Variants in DYNC2H1 observed in about 807,000 individuals in gnomAD.
DYNC2H1 encodes the protein cytoplasmic dynein 2 heavy chain 1.
DYNC2H1 carries 410 observed loss-of-function variants against 570.0 expected under a neutral mutation model. The observed-to-expected ratio is 0.72, with a 90% CI of 0.66 to 0.78. The LOEUF (loss-of-function observed/expected upper bound fraction) is 0.78. DYNC2H1 is among the 30% of genes least tolerant of loss of function. The pLI is 0.00. For missense variants in DYNC2H1, 4,865 were observed against 5,046.4 expected (o/e 0.96, Z 1.09); for synonymous variants, 1,688 against 1,677.6 (o/e 1.01, Z -0.15).
intron 79 of DYNC2H1, 42 bp from the exon 80 acceptor site, chr11:103,316,503 C>T (rs1158305756): frequency 1.5e-6 from 2 of 1,356,202 alleles, no homozygotes. Context: ...ATATCTTTGA[C>T]TACTGCTTAG....
chr11:103,273,529 GA>G (rs144504520), intron 70 of DYNC2H1, among the ~76,000 whole-genome samples: 1,577 of 152,224 alleles, frequency 0.01, 17 homozygotes, highest in African/African-American at 0.035. Context: ...AGTTTAACTG[GA>G]AATAATGCAG....
At chr11:103,180,243 GTACTTGT>G (rs987085695) in intron 39 of DYNC2H1, among the ~76,000 whole-genome samples, 1 of 151,556 alleles carries the variant, frequency 6.6e-6, no homozygotes, top group Non-Finnish European at 1.5e-5. Context: ...AAATTTTAAA[GTACTTGT>G]TAAATATTAT....
intron 52 of DYNC2H1, among the ~76,000 whole-genome samples, chr11:103,207,344 A>G (rs1862980393): frequency 6.6e-6 from 1 of 151,968 alleles, no homozygotes; most frequent in Non-Finnish European, 1.5e-5. Flanking sequence ...AATTGCTAGA[A>G]TAATATCATT....
rs367607111 is a variant in DYNC2H1, at chr11:103,281,041, T to C, written c.10761+628T>C. 3.3e-5 allele frequency among the ~76,000 whole-genome samples: 5 copies of C among 152,220 alleles called. No homozygotes were observed. In the East Asian group the frequency reaches 9.7e-4, roughly 29 times the overall value. ...GTAATTTTTCTCATTATGATGCTGT[T>C]ATCATAAAGTGAGATTCCAGTAGCC... On this transcript the variant is annotated intron_variant, in intron 71 of 88. Coordinates refer to ENST00000375735, the MANE Select transcript of DYNC2H1 (RefSeq NM_001377.3).
At chr11:103,192,505 G>A (rs143872631) in intron 47 of DYNC2H1, among the ~76,000 whole-genome samples, 2 of 152,038 alleles carry the variant, frequency 1.3e-5, no homozygotes, top group African/African-American at 4.8e-5. Flanking sequence ...TTTTACATTG[G>A]CAATGCAAGA....
At chr11:103,428,762 C>T (rs1461489795) in intron 84 of DYNC2H1, among the ~76,000 whole-genome samples, 1 of 152,156 alleles carries the variant, frequency 6.6e-6, no homozygotes, top group African/African-American at 2.4e-5. Context: ...TGGCTTATCT[C>T]ACTGTGTATA....
chr11:103,348,372 A>G (rs1939862875), intron 82 of DYNC2H1, among the ~76,000 whole-genome samples: 1 of 152,200 alleles, frequency 6.6e-6, no homozygotes, highest in Non-Finnish European at 1.5e-5. Context: ...AAATATGCAT[A>G]TACTTTTGAG....
chr11:103,168,678 C>G (rs566556072), intron 31 of DYNC2H1, 77 bp from the exon 32 acceptor site: 1 of 1,397,774 alleles, frequency 7.2e-7, no homozygotes, highest in Non-Finnish European at 9.9e-7. Context: ...GAGAAATCAC[C>G]TGTACACGTA....
chr11:103,173,096 T>G lies in DYNC2H1; in HGVS notation c.5349T>G (p.Ser1783=). The change falls in exon 35 of 89, where the codon TCT becomes TCG. Residue 1783 remains serine (S), a synonymous_variant. Transcript: ENST00000375735. The stretch of plus-strand genomic sequence containing the variant: ...TAATATTTCAGGTAGAAGTAAATTC[T>G]AATTCTGGAATTTTTATCACTATGA... ...ELLGKEVEVN[S]NSGIFITMNP... The G allele has an allele frequency of 7.4e-7, 1 of 1,359,134 alleles. No individual in the cohort carries two copies. Among genetic ancestry groups the G allele is most frequent in the Non-Finnish European group, 9.5e-7 (1 of 1,050,182 alleles). The allele number at this position is 1,359,134 out of a possible 1,614,324, so 84.2% of individuals were successfully genotyped here.
At chr11:103,154,855 C>A in intron 24 of DYNC2H1, 46 bp downstream of exon 24, 2 of 1,402,264 alleles carry the variant, frequency 1.4e-6, no homozygotes, top group South Asian at 1.4e-5. Context: ...ATGTTTGGAG[C>A]TTTCATCTTA....
In DYNC2H1 at chr11:103,181,236, T is replaced by G. The variant is rs1355976505; in HGVS notation, c.6348-521T>G. On this transcript the variant is annotated intron_variant, in intron 39 of 88. Coordinates refer to ENST00000375735, the MANE Select transcript of DYNC2H1 (RefSeq NM_001377.3). The surrounding 1 kb of genome is among the most constrained non-coding windows in gnomAD (Gnocchi z 5.0). ...GGATTTTTATAGGATAGAGAAAAAG[T>G]GTTTCTAAAGATCTGTATTACAGTT... is the stretch of plus-strand genomic sequence containing the variant. 2.0e-5 allele frequency among the ~76,000 whole-genome samples: 3 copies of G among 151,626 alleles called. No individual in the cohort carries two copies. The East Asian group carries it at 5.8e-4, about 29-fold the overall frequency.
In DYNC2H1 at chr11:103,264,257, G is replaced by A. The variant is rs529628197; in HGVS notation, c.10695+4280G>A. Among the ~76,000 whole-genome samples the A allele has an allele frequency of 6.6e-6, 1 of 152,292 alleles. No homozygotes were observed. Among genetic ancestry groups the A allele is most frequent in the South Asian group, 2.1e-4 (1 of 4,822 alleles). ...AAGCCCAGGGTCAGATGGATTCACA[G>A]CCAAATTCTACCAGAGGTACAAAGA... On this transcript the variant is annotated intron_variant, in intron 70 of 88. Transcript: ENST00000375735. This position sits in a 1 kb window ranked among gnomAD's most constrained non-coding sequence, Gnocchi z 4.8.
rs566718504 is a variant in DYNC2H1 at position 103,170,459 on chromosome 11, C to T, written c.5151+169C>T. Among the ~76,000 whole-genome samples, 1 of 152,056 alleles carries T rather than the reference C, an allele frequency of 6.6e-6. No homozygotes were observed. The highest frequency in any genetic ancestry group is 1.9e-4 in the East Asian group (1 of 5,180). Reference sequence around the variant, plus strand: ...GGACAGAGGTTGTACGTAGTATAGTCCAAAACTTTTCTAAGAATTATGGCA... The same window carrying T: ...GGACAGAGGTTGTACGTAGTATAGTTCAAAACTTTTCTAAGAATTATGGCA... On this transcript the variant is annotated intron_variant, in intron 33 of 88. Transcript: ENST00000375735. The surrounding 1 kb of genome is among the most constrained non-coding windows in gnomAD (Gnocchi z 4.8).
intron 85 of DYNC2H1, among the ~76,000 whole-genome samples, chr11:103,454,643 A>T (rs1565613272): frequency 6.6e-6 from 1 of 152,162 alleles, no homozygotes; most frequent in African/African-American, 2.4e-5. Flanking sequence ...CCAAATGGCA[A>T]TTTTTAAAAA....
At position 103,219,957 on chromosome 11, in the gene DYNC2H1, A is replaced by G; in HGVS notation, c.8875A>G (p.Arg2959Gly). ...AACAGAACTTGAAAGACTGAAGCAC[A>G]GAATAGCAGAAGAAGTTGTTAAAAT... ...QKTELERLKH[R>G]IAEEVVKIEE... is the part of the protein sequence containing the mutation. The change falls in exon 56 of 89, where the codon AGA (arginine) becomes GGA (glycine). Residue 2959 changes from arginine (R) to glycine (G), a missense_variant. This residue lies in a region of DYNC2H1 where 2,401 missense variants were observed against 2,454.6 expected (regional missense o/e 0.98). Transcript: ENST00000375735. 1 of 1,515,264 alleles carries G rather than the reference A, an allele frequency of 6.6e-7. No individual in the cohort carries two copies. Among genetic ancestry groups the G allele is most frequent in the Admixed American group, 2.6e-5 (1 of 38,624 alleles). The allele number at this position is 1,515,264 out of a possible 1,614,324, so 93.9% of individuals were successfully genotyped here. A position where few individuals can be genotyped will look rare whatever the true frequency, so the allele number is the denominator to read the frequency against.
chr11:103,398,885 G>C (rs570947443), intron 83 of DYNC2H1, among the ~76,000 whole-genome samples: 72 of 152,102 alleles, frequency 4.7e-4, no homozygotes, highest in African/African-American at 1.7e-3. Flanking sequence ...CACTGATCTT[G>C]AGCACAAGAT....
At chr11:103,435,860 T>G (rs1346523065) in intron 84 of DYNC2H1, 83 bp from the exon 85 acceptor site, 1 of 1,388,236 alleles carries the variant, frequency 7.2e-7, no homozygotes, top group African/African-American at 1.4e-5. Flanking sequence ...TGCCAAAATT[T>G]TTCTCCATCA....
intron 84 of DYNC2H1, 39 bp from the exon 85 acceptor site, chr11:103,435,904 A>G: frequency 6.3e-7 from 1 of 1,594,904 alleles, no homozygotes; most frequent in Non-Finnish European, 8.6e-7. Context: ...ATGTAGTATC[A>G]TATACACAAA....
Position 103,243,796 on chromosome 11 carries a change from G to A in DYNC2H1, c.9918+5G>A. On this transcript the variant is annotated splice_donor_5th_base_variant and intron_variant, in intron 64 of 88. Transcript: ENST00000375735. The surrounding 1 kb of genome is among the most constrained non-coding windows in gnomAD (Gnocchi z 4.8). The stretch of plus-strand genomic sequence containing the variant: ...TTAGAAGTTATCAATCAGCAGGTAT[G>A]TATTATTTATAATTTACATACCAAT... The A allele has an allele frequency of 7.0e-6, 11 of 1,564,904 alleles. No individual in the cohort carries two copies. Among genetic ancestry groups the A allele is most frequent in the East Asian group, 4.7e-5 (2 of 42,926 alleles).
Sources: allele counts gnomAD v4.1 joint callset (sites outside exome capture counted in the v4.1 genomes callset), GRCh38; gene constraint gnomAD v4.1.1; regional missense constraint gnomAD v4.1.1; non-coding constraint Gnocchi (gnomAD v3.1); transcripts MANE v1.5; gene names NCBI Gene and HGNC (gene_info 2026-07-23, HGNC 2026-07-21).